Variants in OR3A2 observed in about 807,000 individuals in gnomAD.
OR3A2 encodes the protein olfactory receptor family 3 subfamily A member 2.
For missense variants in OR3A2, 318 were observed against 392.8 expected (o/e 0.81, Z 1.61); for synonymous variants, 126 against 159.3 (o/e 0.79, Z 1.57).
chr17:3,322,221 T>C (rs1240803553), intron 3 of OR3A2, among the ~76,000 whole-genome samples: 2 of 152,102 alleles, frequency 1.3e-5, no homozygotes, highest in Non-Finnish European at 2.9e-5. Context: ...TGGTGATATA[T>C]CCCCTTTTTC....
At position 3,386,124 on chromosome 17, in the gene OR3A2, C is replaced by T; in HGVS notation, c.-275+1G>A. On this transcript the variant is annotated splice_donor_variant, in intron 1 of 4. Transcript: ENST00000573491. LOFTEE classifies it low-confidence loss of function (5UTR_SPLICE). ...CCCCCATGTATTACTTCTTGGGTCACCTGAGCCTCGTGGACGTCTGCTTTA... is the reference window on the plus strand; with the variant it reads ...CCCCCATGTATTACTTCTTGGGTCATCTGAGCCTCGTGGACGTCTGCTTTA... 1 of 398,910 alleles carries T rather than the reference C, an allele frequency of 2.5e-6. No homozygotes were observed. Among genetic ancestry groups the T allele is most frequent in the South Asian group, 1.3e-4 (1 of 7,856 alleles). 24.7% of individuals were successfully genotyped at this position (398,910 alleles called of 1,614,324 possible). A position where few individuals can be genotyped will look rare whatever the true frequency, so the allele number is the denominator to read the frequency against.
intron 1 of OR3A2, among the ~76,000 whole-genome samples, chr17:3,281,900 G>T (rs2048778975): frequency 6.6e-6 from 1 of 152,062 alleles, no homozygotes; most frequent in Non-Finnish European, 1.5e-5. Context: ...GATTTAATTG[G>T]TTTAATTGGT....
At chr17:3,339,625 A>G (rs528783227) in intron 2 of OR3A2, among the ~76,000 whole-genome samples, 2 of 151,844 alleles carry the variant, frequency 1.3e-5, no homozygotes, top group African/African-American at 4.8e-5. Flanking sequence ...GGATGAAGCC[A>G]ACTTGATCTT....
At chr17:3,304,043 A>T (rs187015247) in intron 3 of OR3A2, among the ~76,000 whole-genome samples, 213 of 150,576 alleles carry the variant, frequency 1.4e-3, no homozygotes, top group African/African-American at 5.0e-3. Flanking sequence ...CCAAAGTAAC[A>T]GTAAGCCAAA....
At chr17:3,291,726 G>A (rs780106189) in intron 3 of OR3A2, 16 of 1,613,646 alleles carry the variant, frequency 9.9e-6, no homozygotes, top group Non-Finnish European at 1.1e-5. Flanking sequence ...GTTCAGCATG[G>A]GATTGATGAC....
rs1303313508 is a variant in OR3A2, at chr17:3,311,341, A to C, written c.-85+24692T>G. On this transcript the variant is annotated intron_variant, in intron 3 of 4. Coordinates refer to the OR3A2 transcript ENST00000573491. This position sits in a 1 kb window ranked among gnomAD's most constrained non-coding sequence, Gnocchi z 4.6. ...GGCTGGGGTGGACTGTCACCTCTTAATAGCCATGGCCTATGACCGCTACCT... is the reference window on the plus strand; with the variant it reads ...GGCTGGGGTGGACTGTCACCTCTTACTAGCCATGGCCTATGACCGCTACCT... The C allele has an allele frequency of 7.5e-6, 4 of 534,354 alleles. No individual in the cohort carries two copies. Among genetic ancestry groups the C allele is most frequent in the Admixed American group, 3.9e-5 (2 of 51,572 alleles). 33.1% of individuals were successfully genotyped at this position (534,354 alleles called of 1,614,324 possible). A position where few individuals can be genotyped will look rare whatever the true frequency, so the allele number is the denominator to read the frequency against.
chr17:3,371,465 G>T (rs1434309596), intron 2 of OR3A2, among the ~76,000 whole-genome samples: 2 of 140,050 alleles, frequency 1.4e-5, no homozygotes, highest in East Asian at 4.5e-4. Context: ...CTGGCTGGGC[G>T]GGGGGCTGAT....
At chr17:3,382,306 G>C (rs1226602731) in intron 2 of OR3A2, among the ~76,000 whole-genome samples, 1 of 152,202 alleles carries the variant, frequency 6.6e-6, no homozygotes, top group Non-Finnish European at 1.5e-5. Context: ...AAACTGGCAG[G>C]AAAGTAAAGT....
At chr17:3,361,041 T>C (rs2049510283) in intron 2 of OR3A2, among the ~76,000 whole-genome samples, 1 of 151,568 alleles carries the variant, frequency 6.6e-6, no homozygotes, top group South Asian at 2.1e-4. Flanking sequence ...TGATTCTTCC[T>C]ACCCATGAGC....
chr17:3,311,463 T>G lies in OR3A2; in HGVS notation c.-85+24570A>C. ...GCTGCACTGTCTCCTTCATCAATGC[T>G]CTGACTCACACAGTGGCTGTGTCTG... On this transcript the variant is annotated intron_variant, in intron 3 of 4. Coordinates refer to the OR3A2 transcript ENST00000573491. This position sits in a 1 kb window ranked among gnomAD's most constrained non-coding sequence, Gnocchi z 4.6. 1 of 454,764 alleles carries G rather than the reference T, an allele frequency of 2.2e-6. No homozygotes were observed. Among genetic ancestry groups the G allele is most frequent in the Non-Finnish European group, 4.5e-6 (1 of 220,768 alleles). The allele number at this position is 454,764 out of a possible 1,614,324, so 28.2% of individuals were successfully genotyped here. A position where few individuals can be genotyped will look rare whatever the true frequency, so the allele number is the denominator to read the frequency against.
rs59796994 is a variant in OR3A2, at chr17:3,375,245, TCC to T, written c.-179+8557_-179+8558del. Among the ~76,000 whole-genome samples, 227 of 45,994 alleles carry T rather than the reference TCC, an allele frequency of 4.9e-3. 4 individuals are homozygous for T. The highest frequency in any genetic ancestry group is 0.019 in the Middle Eastern group (1 of 52). The allele number at this position is 45,994 out of a possible 152,430, so 30.2% of individuals were successfully genotyped here. On this transcript the variant is annotated intron_variant, in intron 2 of 4. Coordinates refer to the OR3A2 transcript ENST00000573491. ...TTTTTTTTTTCTTTTTTTTTTTTTT[TCC>T]CCCCCTTTTTGAGATAGTCTCACTT...
chr17:3,356,886 A>G lies in OR3A2; in HGVS notation c.-178-20760T>C, dbSNP rs1447818261. On this transcript the variant is annotated intron_variant, in intron 2 of 4. Coordinates refer to the OR3A2 transcript ENST00000573491. ...ACTGAGTTTAAAACTTCTCATGTCA[A>G]TAATTTTTTTCACTAGAAGTTTCTC... Among the ~76,000 whole-genome samples, 3 of 151,702 alleles carry G rather than the reference A, an allele frequency of 2.0e-5. No individual in the cohort carries two copies. In the East Asian group the frequency reaches 5.8e-4, roughly 29 times the overall value.
At chr17:3,374,494 CTT>C (rs2049662415) in intron 2 of OR3A2, among the ~76,000 whole-genome samples, 1 of 151,636 alleles carries the variant, frequency 6.6e-6, no homozygotes, top group Non-Finnish European at 1.5e-5. Context: ...ATTCATTTTT[CTT>C]TGTCTTTGTC....
chr17:3,380,126 T>C (rs2049721081), intron 2 of OR3A2, among the ~76,000 whole-genome samples: 1 of 152,214 alleles, frequency 6.6e-6, no homozygotes, highest in Non-Finnish European at 1.5e-5. Flanking sequence ...GCACACCTGC[T>C]GTAACTCCCC....
chr17:3,386,176 G>A (rs1475040314), exon 1 of OR3A2: 24 of 398,754 alleles, frequency 6.0e-5, no homozygotes. Flanking sequence ...CAGGCTGCTG[G>A]CCGGCCTGCT....
chr17:3,306,345 T>A (rs1293371139), intron 3 of OR3A2, among the ~76,000 whole-genome samples: 2 of 151,698 alleles, frequency 1.3e-5, no homozygotes, highest in Admixed American at 6.6e-5. Context: ...AGGGTTTCAT[T>A]ATGTTGCCCC....
intron 2 of OR3A2, among the ~76,000 whole-genome samples, chr17:3,361,203 G>T (rs1298502774): frequency 7.0e-6 from 1 of 143,812 alleles, no homozygotes; most frequent in Non-Finnish European, 1.5e-5. Flanking sequence ...GTTCACTCAT[G>T]ATTTGGCTGT....
intron 3 of OR3A2, chr17:3,291,392 A>G: frequency 2.5e-6 from 1 of 399,884 alleles, no homozygotes; most frequent in East Asian, 3.6e-5. Flanking sequence ...CTAGCCAGAA[A>G]GGAGAGAACA....
At chr17:3,310,666 C>G (rs149668217) in intron 3 of OR3A2, 185 of 543,024 alleles carry the variant, frequency 3.4e-4, no homozygotes, top group Non-Finnish European at 5.7e-4. Context: ...TTCTTGCTGA[C>G]CATCATGGCC....
Sources: allele counts gnomAD v4.1 joint callset (sites outside exome capture counted in the v4.1 genomes callset), GRCh38; gene constraint gnomAD v4.1.1; non-coding constraint Gnocchi (gnomAD v3.1); transcripts MANE v1.5; gene names NCBI Gene and HGNC (gene_info 2026-07-23, HGNC 2026-07-21).